Variants in RERE observed in about 807,000 individuals in gnomAD.
RERE encodes arginine-glutamic acid dipeptide repeats.
In RERE, 40 loss-of-function variants were observed where a neutral mutation model predicts 146.1. That is an observed-to-expected ratio of 0.27 (90% confidence interval 0.21 to 0.36). RERE has a LOEUF of 0.36. Ranked by LOEUF, RERE falls within the 10% of genes least tolerant of loss-of-function variation. The pLI, the probability that RERE is intolerant of heterozygous loss-of-function variation, is 1.00. For synonymous variants in RERE, 1,003 were observed against 866.0 expected (o/e 1.16, Z -2.78); for missense variants, 1,933 against 2,138.7 (o/e 0.90, Z 1.90).
At chr1:8,797,355 G>A (rs1641496342) in intron 1 of RERE, among the ~76,000 whole-genome samples, 1 of 144,958 alleles carries the variant, frequency 6.9e-6, no homozygotes, top group South Asian at 2.2e-4. Flanking sequence ...ACCAGCCTAG[G>A]TGACAGAGTA....
At chr1:8,575,557 A>ATT (rs1277612313) in intron 4 of RERE, among the ~76,000 whole-genome samples, 1 of 57,074 alleles carries the variant, frequency 1.8e-5, no homozygotes, top group African/African-American at 7.7e-5. Flanking sequence ...ATATATATAT[A>ATT]TATATTTTTT....
intron 6 of RERE, among the ~76,000 whole-genome samples, chr1:8,544,422 C>T (rs1171139584): frequency 6.6e-6 from 1 of 151,974 alleles, no homozygotes; most frequent in African/African-American, 2.4e-5. Context: ...ATAAACAAAT[C>T]GTATATATGT....
At chr1:8,418,148 C>G (rs1431678054) in intron 12 of RERE, among the ~76,000 whole-genome samples, 1 of 152,158 alleles carries the variant, frequency 6.6e-6, no homozygotes, top group Non-Finnish European at 1.5e-5. Context: ...TTATAGATAC[C>G]CTACCCATTG....
intron 2 of RERE, among the ~76,000 whole-genome samples, chr1:8,643,943 A>G (rs970558019): frequency 6.6e-6 from 1 of 152,192 alleles, no homozygotes; most frequent in Admixed American, 6.5e-5. Flanking sequence ...TTATAATTCT[A>G]TTCCATCTGG....
At chr1:8,598,874 T>A (rs1340305454) in intron 4 of RERE, among the ~76,000 whole-genome samples, 4 of 152,202 alleles carry the variant, frequency 2.6e-5, no homozygotes, top group Non-Finnish European at 5.9e-5. Flanking sequence ...TCATGAACAG[T>A]ACTGTCTCCA....
At chr1:8,701,637 T>C (rs1281955320) in intron 1 of RERE, among the ~76,000 whole-genome samples, 3 of 152,224 alleles carry the variant, frequency 2.0e-5, no homozygotes, top group East Asian at 3.8e-4. Flanking sequence ...AATTCTATCA[T>C]GCAACCAGAT....
At chr1:8,501,259 G>A (rs1360135790) in intron 8 of RERE, among the ~76,000 whole-genome samples, 1 of 136,244 alleles carries the variant, frequency 7.3e-6, no homozygotes, top group Admixed American at 7.0e-5. Context: ...GGTGAGGGGC[G>A]CCTCTGCCCG....
intron 10 of RERE, among the ~76,000 whole-genome samples, chr1:8,475,134 GAGGCTGA>G (rs1441845619): frequency 2.0e-5 from 3 of 152,206 alleles, no homozygotes; most frequent in Non-Finnish European, 4.4e-5. Flanking sequence ...AGAACTTTGG[GAGGCTGA>G]AGTGGGCAGA....
intron 1 of RERE, among the ~76,000 whole-genome samples, chr1:8,732,880 G>A (rs1269221740): frequency 7.0e-6 from 1 of 142,766 alleles, no homozygotes; most frequent in Non-Finnish European, 1.5e-5. Flanking sequence ...GGAGTGCAGT[G>A]GCGCTATCTC....
At chr1:8,708,196 A>G (rs1314667777) in intron 1 of RERE, among the ~76,000 whole-genome samples, 5 of 152,140 alleles carry the variant, frequency 3.3e-5, no homozygotes, top group Admixed American at 3.3e-4. Context: ...TAATTCCCAC[A>G]TGTTGTGGGA....
intron 8 of RERE, among the ~76,000 whole-genome samples, chr1:8,497,908 T>C (rs529944929): frequency 2.2e-4 from 34 of 152,302 alleles, no homozygotes; most frequent in African/African-American, 6.7e-4. Context: ...ATATAACAAG[T>C]TGACAAAGAA....
chr1:8,624,241 G>A (rs1455051631), intron 3 of RERE, 69 bp downstream of exon 3: 10 of 1,223,730 alleles, frequency 8.2e-6, no homozygotes, highest in Non-Finnish European at 1.2e-5. Context: ...GGAACAATAA[G>A]AGATAGCCAA....
At chr1:8,731,384 C>T (rs969884251) in intron 1 of RERE, among the ~76,000 whole-genome samples, 5 of 152,156 alleles carry the variant, frequency 3.3e-5, no homozygotes, top group Admixed American at 3.3e-4. Flanking sequence ...AAAACTACTT[C>T]GCAGGAGCTT....
At chr1:8,427,637 TAAAAAAAA>T (rs33996085) in intron 11 of RERE, among the ~76,000 whole-genome samples, 1 of 116,352 alleles carries the variant, frequency 8.6e-6, no homozygotes, top group African/African-American at 3.3e-5. Context: ...GGCCCCACTT[TAAAAAAAA>T]AAAAAAAAAA....
At chr1:8,538,920 G>A (rs906288294) in intron 7 of RERE, among the ~76,000 whole-genome samples, 2 of 152,170 alleles carry the variant, frequency 1.3e-5, no homozygotes, top group African/African-American at 4.8e-5. Context: ...AAGACTGTCA[G>A]CAGCACACAA....
At chr1:8,406,310 C>T (rs779086183) in intron 12 of RERE, among the ~76,000 whole-genome samples, 24 of 152,040 alleles carry the variant, frequency 1.6e-4, no homozygotes, top group Admixed American at 2.6e-4. Flanking sequence ...TGGGCTCAAC[C>T]GATCCTCCCT....
At chr1:8,639,297 T>A (rs991023663) in intron 2 of RERE, among the ~76,000 whole-genome samples, 5 of 152,104 alleles carry the variant, frequency 3.3e-5, no homozygotes, top group Admixed American at 6.5e-5. Context: ...ATAATAGAAG[T>A]AAAACATATG....
chr1:8,682,303 T>C (rs770707430), intron 1 of RERE, among the ~76,000 whole-genome samples: 3 of 152,230 alleles, frequency 2.0e-5, no homozygotes, highest in Non-Finnish European at 2.9e-5. Context: ...CTCATTTCTT[T>C]CCATGATACA....
At chr1:8,405,140 G>C (rs1354279480) in intron 12 of RERE, among the ~76,000 whole-genome samples, 1 of 152,228 alleles carries the variant, frequency 6.6e-6, no homozygotes, top group Admixed American at 6.5e-5. Context: ...TGATGGTCAA[G>C]AGTGAGAAGG....
Sources: gnomAD v4.1 joint callset for allele counts (sites outside exome capture counted in the v4.1 genomes callset) on GRCh38, gnomAD v4.1.1 for gene constraint, MANE v1.5 for transcripts, NCBI Gene and HGNC (gene_info 2026-07-23, HGNC 2026-07-21) for gene names.